Variants in CSMD1 observed in about 807,000 individuals in gnomAD.
CSMD1 encodes the protein CUB and sushi domain-containing protein 1.
A neutral mutation model predicts 417.5 loss-of-function variants in CSMD1; 213 were observed. The ratio of observed to expected loss-of-function variants is 0.51; its 90% CI spans 0.46 to 0.57. The LOEUF is 0.57. CSMD1 is among the 20% of genes least tolerant of loss of function. The probability of loss-of-function intolerance (pLI) is 0.00; values close to 1 mark genes in which losing one functional copy is unlikely to be tolerated. For synonymous variants in CSMD1, 2,862 were observed against 1,736.8 expected, an observed-to-expected ratio of 1.65 and a Z score of -16.11; for missense variants, 6,923 against 4,529.7, an observed-to-expected ratio of 1.53 and a Z score of -15.17.
At position 4,409,693 on chromosome 8, in the gene CSMD1, C is replaced by G. The variant is rs939483743; in HGVS notation, c.415+10260G>C. On this transcript the variant is annotated intron_variant, in intron 3 of 69. Transcript: ENST00000635120. ...ATAAACCAGATAAAGAGACAAAGCA[C>G]AGAGAAGGAGAAGGTGGACACAGGC... is the stretch of plus-strand genomic sequence containing the variant. 2.2e-4 allele frequency among the ~76,000 whole-genome samples: 32 copies of G among 145,484 alleles called. 1 individual carries two copies. Among genetic ancestry groups the G allele is most frequent in the Admixed American group, 7.7e-4 (11 of 14,238 alleles).
chr8:4,277,936 G>C (rs775321676), intron 3 of CSMD1, among the ~76,000 whole-genome samples: 1 of 152,138 alleles, frequency 6.6e-6, no homozygotes, highest in African/African-American at 2.4e-5. Flanking sequence ...TTTTAGTGGA[G>C]ACAGGATTTC....
At chr8:3,771,546 A>G (rs1471805892) in intron 5 of CSMD1, among the ~76,000 whole-genome samples, 1 of 152,136 alleles carries the variant, frequency 6.6e-6, no homozygotes, top group Admixed American at 6.5e-5. Context: ...GGATAGCATC[A>G]CCATTGCAGA....
intron 2 of CSMD1, among the ~76,000 whole-genome samples, chr8:4,563,919 C>T (rs1231994388): frequency 1.3e-5 from 2 of 152,106 alleles, no homozygotes; most frequent in Non-Finnish European, 2.9e-5. Context: ...TCTTCTGTAG[C>T]ACAGTTCCAC....
chr8:3,999,624 T>G (rs769790379), intron 4 of CSMD1, among the ~76,000 whole-genome samples: 1 of 151,964 alleles, frequency 6.6e-6, no homozygotes, highest in African/African-American at 2.4e-5. Context: ...GTTCCCGGAG[T>G]TTGGAGTATT....
chr8:3,616,863 T>G (rs1802165901), intron 7 of CSMD1, 66 bp from the exon 8 acceptor site: 1 of 1,125,480 alleles, frequency 8.9e-7, no homozygotes, highest in Admixed American at 2.2e-5. Context: ...GATAAAAAAT[T>G]TATTCTAGGC....
At chr8:4,053,079 T>C (rs1172936154) in intron 3 of CSMD1, among the ~76,000 whole-genome samples, 2 of 152,112 alleles carry the variant, frequency 1.3e-5, no homozygotes, top group African/African-American at 4.8e-5. Flanking sequence ...GCTGAAAGGA[T>C]GATTGGAATA....
chr8:2,988,826 T>A (rs999400455), intron 54 of CSMD1, among the ~76,000 whole-genome samples: 2 of 152,168 alleles, frequency 1.3e-5, no homozygotes, highest in East Asian at 1.9e-4. Context: ...TAGAGCTGCA[T>A]CCTGTGAAGG....
At chr8:4,166,735 A>C (rs557729886) in intron 3 of CSMD1, among the ~76,000 whole-genome samples, 1 of 152,330 alleles carries the variant, frequency 6.6e-6, no homozygotes, top group South Asian at 2.1e-4. Context: ...AAAACCACCT[A>C]TTGCCCCAAA....
intron 3 of CSMD1, among the ~76,000 whole-genome samples, chr8:4,334,745 C>T (rs1238196761): frequency 2.6e-5 from 4 of 152,158 alleles, no homozygotes; most frequent in African/African-American, 7.2e-5. Context: ...GAACGATACG[C>T]TCGACTCTAC....
intron 7 of CSMD1, among the ~76,000 whole-genome samples, chr8:3,634,505 G>A (rs150216920): frequency 8.5e-5 from 13 of 152,250 alleles, no homozygotes; most frequent in African/African-American, 2.2e-4. Context: ...TGAACCTGCT[G>A]TCTCCCGGAC....
At chr8:4,691,604 T>G (rs1398736687) in intron 1 of CSMD1, among the ~76,000 whole-genome samples, 1 of 152,198 alleles carries the variant, frequency 6.6e-6, no homozygotes, top group African/African-American at 2.4e-5. Context: ...CCAGGAACTG[T>G]GGCAAAAATT....
rs991835830 is a variant in CSMD1 at position 4,349,553 on chromosome 8, A to G, written c.415+70400T>C. On this transcript the variant is annotated intron_variant, in intron 3 of 69. Transcript: ENST00000635120. ...TTTCTACTCTATACCATGCTTTTTT[A>G]TATTAGGTGACATAGAAGGCTTCAA... Among the ~76,000 whole-genome samples, 4 of 152,244 alleles carry G rather than the reference A, an allele frequency of 2.6e-5. 1 individual carries two copies. The highest frequency in any genetic ancestry group is 9.6e-5 in the African/African-American group (4 of 41,544).
At chr8:4,597,104 C>A (rs892516807) in intron 2 of CSMD1, among the ~76,000 whole-genome samples, 4 of 83,196 alleles carry the variant, frequency 4.8e-5, no homozygotes, top group Non-Finnish European at 1.4e-4. Context: ...ACTAATACAA[C>A]ACACAATTTT....
intron 3 of CSMD1, among the ~76,000 whole-genome samples, chr8:4,285,851 A>G (rs965536483): frequency 2.8e-4 from 43 of 152,330 alleles, no homozygotes; most frequent in African/African-American, 9.9e-4. Context: ...TTAATCAGGA[A>G]CAAAATCTAC....
chr8:4,651,999 T>C (rs1803926385), intron 1 of CSMD1, among the ~76,000 whole-genome samples: 1 of 152,188 alleles, frequency 6.6e-6, no homozygotes, highest in Admixed American at 6.5e-5. Flanking sequence ...GGAGACTCAA[T>C]TAGAAAAATG....
intron 5 of CSMD1, among the ~76,000 whole-genome samples, chr8:3,965,148 A>G (rs902071593): frequency 7.9e-5 from 12 of 152,192 alleles, no homozygotes; most frequent in Non-Finnish European, 1.3e-4. Context: ...ATATTTTAAT[A>G]GTTTCTTGCT....
At chr8:3,389,812 G>C (rs983687031) in intron 17 of CSMD1, among the ~76,000 whole-genome samples, 9 of 152,050 alleles carry the variant, frequency 5.9e-5, no homozygotes, top group Admixed American at 2.6e-4. Context: ...AACTCTTAAG[G>C]TCACAATTGA....
chr8:4,988,324 G>T (rs996687063), intron 1 of CSMD1, among the ~76,000 whole-genome samples: 1 of 152,200 alleles, frequency 6.6e-6, no homozygotes, highest in Non-Finnish European at 1.5e-5. Flanking sequence ...TGGGTGGAAT[G>T]ACAACACTGA....
At chr8:4,895,848 T>C (rs577570217) in intron 1 of CSMD1, among the ~76,000 whole-genome samples, 1 of 152,148 alleles carries the variant, frequency 6.6e-6, no homozygotes, top group Non-Finnish European at 1.5e-5. Context: ...ACCACGATAT[T>C]ATTTATCTTC....
Sources: gnomAD v4.1 joint callset for allele counts (sites outside exome capture counted in the v4.1 genomes callset) on GRCh38, gnomAD v4.1.1 for gene constraint, MANE v1.5 for transcripts, NCBI Gene and HGNC (gene_info 2026-07-23, HGNC 2026-07-21) for gene names.